The following MS4A4E variants were observed in gnomAD, a reference collection of about 807,000 sequenced individuals.
MS4A4E encodes the protein membrane spanning 4-domains A4E.
MS4A4E carries 23 observed loss-of-function variants against 13.3 expected under a neutral mutation model. The ratio of observed to expected loss-of-function variants is 1.73; its 90% CI spans 1.25 to 2.45. The LOEUF (loss-of-function observed/expected upper bound fraction) is 2.45. MS4A4E is among the 30% of genes most tolerant of loss of function. The pLI, the probability that MS4A4E is intolerant of heterozygous loss-of-function variation, is 0.00. For missense variants in MS4A4E, 144 were observed against 131.2 expected, an observed-to-expected ratio of 1.10 and a Z score of -0.48; for synonymous variants, 36 against 45.6, an observed-to-expected ratio of 0.79 and a Z score of 0.85.
At chr11:60,216,942 C>G (rs1032231277) in intron 3 of MS4A4E, among the ~76,000 whole-genome samples, 4 of 152,144 alleles carry the variant, frequency 2.6e-5, no homozygotes, top group African/African-American at 9.7e-5. Context: ...AGTTCTATCC[C>G]TCTAGAGAAC....
At chr11:60,215,016 A>G (rs1041112077) in intron 3 of MS4A4E, among the ~76,000 whole-genome samples, 2 of 152,172 alleles carry the variant, frequency 1.3e-5, no homozygotes, top group Non-Finnish European at 1.5e-5. Flanking sequence ...AAATAGTAGC[A>G]CATAAAATTT....
intron 3 of MS4A4E, among the ~76,000 whole-genome samples, chr11:60,218,771 C>T (rs1211641017): frequency 6.6e-6 from 1 of 152,132 alleles, no homozygotes; most frequent in Non-Finnish European, 1.5e-5. Flanking sequence ...AGAAAGTGTG[C>T]TACACTTGAA....
intron 3 of MS4A4E, among the ~76,000 whole-genome samples, chr11:60,225,721 C>G (rs1417871753): frequency 2.6e-5 from 4 of 151,726 alleles, no homozygotes; most frequent in Non-Finnish European, 5.9e-5. Context: ...AAATCAATCA[C>G]CTGAGAGTCT....
In MS4A4E at chr11:60,204,920, T is replaced by A. The variant is rs1265852792; in HGVS notation, c.629A>T (p.Asp210Val). ...DGQYLEKVYY[D>V]ILSSWLRIES... ...AATCCTCAACCAAGAAGATAGAATG[T>A]CATAATAGACTTTTTCCAGATACTG... Residue 210 changes from aspartate (D) to valine (V), a missense_variant, in exon 8 of 9, where the codon GAC becomes GTC. Asp to Val is a radical substitution (Grantham distance 152). This residue lies in a region of MS4A4E where 21 missense variants were observed against 25.1 expected (regional missense o/e 0.84). Coordinates refer to ENST00000651255, the MANE Select transcript of MS4A4E (RefSeq NM_001393391.1). 6.6e-6 allele frequency among the ~76,000 whole-genome samples: 1 copy of A among 152,140 alleles called. No individual in the cohort carries two copies. Among genetic ancestry groups the A allele is most frequent in the Non-Finnish European group, 1.5e-5 (1 of 68,034 alleles).
chr11:60,210,069 A>G (rs2084099729), intron 5 of MS4A4E, among the ~76,000 whole-genome samples: 2 of 152,254 alleles, frequency 1.3e-5, no homozygotes, highest in African/African-American at 4.8e-5. Flanking sequence ...AAGGCCAGAT[A>G]ATGTACATTT....
At chr11:60,234,788 CA>C (rs1291067945) in intron 1 of MS4A4E, among the ~76,000 whole-genome samples, 2 of 140,966 alleles carry the variant, frequency 1.4e-5, no homozygotes, top group East Asian at 2.1e-4. Flanking sequence ...CCCCCCCCCC[CA>C]AAATAACAAA....
chr11:60,202,899 A>C (rs2084003101), intron 8 of MS4A4E, among the ~76,000 whole-genome samples: 1 of 152,244 alleles, frequency 6.6e-6, no homozygotes. Context: ...TTGAGGGAAG[A>C]TGACTCCATT....
intron 3 of MS4A4E, among the ~76,000 whole-genome samples, chr11:60,215,926 A>G (rs541029715): frequency 6.6e-6 from 1 of 152,310 alleles, no homozygotes; most frequent in African/African-American, 2.4e-5. Flanking sequence ...GATAGGATTG[A>G]AAAAAGGGAT....
intron 1 of MS4A4E, among the ~76,000 whole-genome samples, chr11:60,230,795 G>C (rs1467007188): frequency 6.6e-5 from 10 of 152,124 alleles, no homozygotes; most frequent in Admixed American, 6.5e-4. Context: ...GTGGAGATAG[G>C]CTAAAGCCAC....
chr11:60,221,733 A>C (rs1277549029), intron 3 of MS4A4E, among the ~76,000 whole-genome samples: 3 of 152,238 alleles, frequency 2.0e-5, no homozygotes, highest in Non-Finnish European at 4.4e-5. Flanking sequence ...AAGAAGCATG[A>C]TAGGAAAATT....
chr11:60,205,683 G>T (rs535290055), intron 7 of MS4A4E, among the ~76,000 whole-genome samples, 31 bp downstream of exon 7: 1 of 152,288 alleles, frequency 6.6e-6, no homozygotes, highest in African/African-American at 2.4e-5. Context: ...AAAACCCAGG[G>T]TTGTCTGATT....
rs1429642889 is a variant in MS4A4E at position 60,213,947 on chromosome 11, C to T, written c.222+624G>A. 5.9e-5 allele frequency among the ~76,000 whole-genome samples: 9 copies of T among 151,950 alleles called. No homozygotes were observed. The East Asian group carries it at 9.7e-4, about 16-fold the overall frequency. On this transcript the variant is annotated intron_variant, in intron 4 of 8. Coordinates refer to ENST00000651255, the MANE Select transcript of MS4A4E (RefSeq NM_001393391.1). ...TTGAGATGGAGTCTTGCTCTGTCACCAGGCTGAAGTGCAGTGGCACAATCT... is the reference window on the plus strand; with the variant it reads ...TTGAGATGGAGTCTTGCTCTGTCACTAGGCTGAAGTGCAGTGGCACAATCT...
At chr11:60,213,163 C>A (rs1201606464) in intron 4 of MS4A4E, 31 bp from the exon 5 acceptor site, 43 of 895,548 alleles carry the variant, frequency 4.8e-5, no homozygotes, top group African/African-American at 6.8e-5. Flanking sequence ...ATTAAGCAAT[C>A]CAACATCATC....
In MS4A4E at chr11:60,214,614, A is replaced by G. The variant is rs1242586753; in HGVS notation, c.179T>C (p.Val60Ala). The part of the protein sequence containing the change: ...LCGHKFSTHS[V>A]SLSVAAGIRT... ...AATTCCTGCTGCAACTGATAAGGATACTGAAATAATAAAATAAGAATGAGA... is the reference window on the plus strand; with the variant it reads ...AATTCCTGCTGCAACTGATAAGGATGCTGAAATAATAAAATAAGAATGAGA... Residue 60 changes from valine (V) to alanine (A), a missense_variant and splice_region_variant, in exon 4 of 9, where the codon GTA (valine) becomes GCA (alanine). Coordinates refer to ENST00000651255, the MANE Select transcript of MS4A4E (RefSeq NM_001393391.1). 24 of 1,523,532 alleles carry G rather than the reference A, an allele frequency of 1.6e-5. No homozygotes were observed. The highest frequency in any genetic ancestry group is 2.1e-5 in the Non-Finnish European group (24 of 1,139,778). The allele number at this position is 1,523,532 out of a possible 1,614,324, so 94.4% of individuals were successfully genotyped here. A position where few individuals can be genotyped will look rare whatever the true frequency, so the allele number is the denominator to read the frequency against.
intron 3 of MS4A4E, among the ~76,000 whole-genome samples, chr11:60,223,878 C>T (rs954938770): frequency 5.9e-5 from 9 of 152,238 alleles, no homozygotes; most frequent in Admixed American, 2.0e-4. Context: ...CTCAATACTC[C>T]CTAATAAACT....
chr11:60,237,044 C>T lies in MS4A4E; in HGVS notation c.-17+5914G>A, dbSNP rs141953271. 4.0e-3 allele frequency among the ~76,000 whole-genome samples: 613 copies of T among 152,210 alleles called. 4 individuals carry two copies. Among genetic ancestry groups the T allele is most frequent in the African/African-American group, 0.013 (557 of 41,534 alleles). Reference sequence around the variant, plus strand: ...AGCCACTGCGCCCAACCATATCACCCATGTTTTAAGCCTAGTACCTATAAT... The same window carrying T: ...AGCCACTGCGCCCAACCATATCACCTATGTTTTAAGCCTAGTACCTATAAT... On this transcript the variant is annotated intron_variant, in intron 1 of 8. Transcript: ENST00000651255.
rs1175613404 is a variant in MS4A4E at position 60,200,974 on chromosome 11, C to T, written c.*569G>A. Among the ~76,000 whole-genome samples, 3 of 146,302 alleles carry T rather than the reference C, an allele frequency of 2.1e-5. No individual in the cohort carries two copies. The highest frequency in any genetic ancestry group is 2.1e-4 in the East Asian group (1 of 4,834). Reference sequence around the variant, plus strand: ...GCGGCTGGCCGGGTGGGGGGCTGAACCCCCCACCTCCCTCCCGGACGGGGC... The same window carrying T: ...GCGGCTGGCCGGGTGGGGGGCTGAATCCCCCACCTCCCTCCCGGACGGGGC... On this transcript the variant is annotated 3_prime_UTR_variant, in exon 9 of 9. Transcript: ENST00000651255.
chr11:60,209,613 T>C (rs1237857784), intron 5 of MS4A4E, among the ~76,000 whole-genome samples: 1 of 152,208 alleles, frequency 6.6e-6, no homozygotes, highest in Admixed American at 6.5e-5. Flanking sequence ...AATACAACAA[T>C]GAACATCACG....
At chr11:60,233,300 G>A (rs142158198) in intron 1 of MS4A4E, among the ~76,000 whole-genome samples, 103 of 152,204 alleles carry the variant, frequency 6.8e-4, no homozygotes, top group Middle Eastern at 3.4e-3. Flanking sequence ...ATTGTCTCTG[G>A]AACCAAAATT....
Sources: allele counts gnomAD v4.1 joint callset (sites outside exome capture counted in the v4.1 genomes callset), GRCh38; gene constraint gnomAD v4.1.1; regional missense constraint gnomAD v4.1.1; transcripts MANE v1.5; gene names NCBI Gene and HGNC (gene_info 2026-07-23, HGNC 2026-07-21).